The following FBXO34 variants were observed in gnomAD, a reference collection of about 807,000 sequenced individuals.
FBXO34 encodes the protein F-box only protein 34.
Under a neutral mutation model 24.5 loss-of-function variants are expected in FBXO34, and 12 were observed. That is an observed-to-expected ratio of 0.49 (90% CI 0.31 to 0.79). The LOEUF is 0.79. Ranked by LOEUF, FBXO34 falls within the 30% of genes least tolerant of loss-of-function variation. FBXO34 has a pLI of 0.04. For synonymous variants in FBXO34, 320 were observed against 311.9 expected (o/e 1.03, Z -0.27); for missense variants, 823 against 857.7 (o/e 0.96, Z 0.51).
intron 1 of FBXO34, among the ~76,000 whole-genome samples, chr14:55,327,305 A>C (rs1883371098): frequency 6.6e-6 from 1 of 152,194 alleles, no homozygotes; most frequent in Non-Finnish European, 1.5e-5. Flanking sequence ...TGAGTAGAAC[A>C]TGAGAAAGAG....
intron 1 of FBXO34, among the ~76,000 whole-genome samples, chr14:55,320,102 G>A (rs1489123474): frequency 6.6e-6 from 1 of 152,200 alleles, no homozygotes. Context: ...AGGTTATCCA[G>A]GTCCTTTAAC....
downstream of FBXO34, among the ~76,000 whole-genome samples, chr14:55,355,707 G>C (rs1428348412): frequency 3.9e-5 from 6 of 152,196 alleles, no homozygotes; most frequent in African/African-American, 1.2e-4. Flanking sequence ...GATACCGAGG[G>C]ACCACTGTGG....
chr14:55,296,382 G>GTTTGTTT (rs1882122753), intron 1 of FBXO34, among the ~76,000 whole-genome samples: 1 of 95,784 alleles, frequency 1.0e-5, no homozygotes, highest in Non-Finnish European at 2.1e-5. Context: ...CTGTTCTTGT[G>GTTTGTTT]TTTTTTTTGT....
downstream of FBXO34, chr14:55,369,596 TG>T: frequency 6.8e-7 from 1 of 1,466,548 alleles, no homozygotes; most frequent in East Asian, 2.3e-5. Context: ...GATGCAGATT[TG>T]GTATGTTTTG....
chr14:55,282,936 G>C (rs1881609349), intron 1 of FBXO34, among the ~76,000 whole-genome samples: 1 of 152,210 alleles, frequency 6.6e-6, no homozygotes, highest in South Asian at 2.1e-4. Flanking sequence ...CAGAAACCAG[G>C]AGAGGCAAAC....
downstream of FBXO34, among the ~76,000 whole-genome samples, chr14:55,364,139 G>A (rs1037494778): frequency 6.6e-6 from 1 of 151,804 alleles, no homozygotes; most frequent in East Asian, 1.9e-4. Context: ...AGTAGAGACC[G>A]GGTTTCTCCA....
At chr14:55,400,261 T>C in the FBXO34 span, among the ~76,000 whole-genome samples, 1 of 152,046 alleles carries the variant, frequency 6.6e-6, no homozygotes, top group Admixed American at 6.5e-5. Flanking sequence ...TTCCAAGAGG[T>C]GAAAAATAGA....
In FBXO34 at chr14:55,352,363, T is replaced by C; in HGVS notation, c.1973T>C (p.Leu658Ser). The change falls in exon 2 of 2, where the codon TTG becomes TCG. Residue 658 changes from leucine to serine, a missense_variant. This residue lies in a region of FBXO34 where 130 missense variants were observed against 198.6 expected (regional missense o/e 0.65). Coordinates refer to ENST00000313833, the MANE Select transcript of FBXO34 (RefSeq NM_017943.4). ...CACCCCAAGCCCTATTGCCAGGCATTGCCCTATGGGCCAGGGTATTGGATG... is the reference window on the plus strand; with the variant it reads ...CACCCCAAGCCCTATTGCCAGGCATCGCCCTATGGGCCAGGGTATTGGATG... The part of the protein sequence containing the change: ...RWHPKPYCQA[L>S]PYGPGYWMCC... The C allele has an allele frequency of 6.2e-7, 1 of 1,614,242 alleles. No individual in the cohort carries two copies. The highest frequency in any genetic ancestry group is 8.5e-7 in the Non-Finnish European group (1 of 1,180,044).
At chr14:55,356,232 C>G (rs1884521000), downstream of FBXO34, among the ~76,000 whole-genome samples, 1 of 152,174 alleles carries the variant, frequency 6.6e-6, no homozygotes, top group African/African-American at 2.4e-5. Context: ...AGCTCCGTTC[C>G]TTCTTCACTC....
intron 1 of FBXO34, among the ~76,000 whole-genome samples, chr14:55,284,663 C>T (rs536628462): frequency 7.0e-6 from 1 of 143,196 alleles, no homozygotes; most frequent in South Asian, 2.3e-4. Flanking sequence ...GTCACCCAAG[C>T]TAGAGTGTAG....
chr14:55,280,150 T>C (rs991616351), intron 1 of FBXO34, among the ~76,000 whole-genome samples: 1 of 152,228 alleles, frequency 6.6e-6, no homozygotes, highest in Non-Finnish European at 1.5e-5. Context: ...TAGTACATGA[T>C]ATATGTACAT....
At chr14:55,295,456 G>A (rs1882090232) in intron 1 of FBXO34, among the ~76,000 whole-genome samples, 1 of 141,004 alleles carries the variant, frequency 7.1e-6, no homozygotes, top group Non-Finnish European at 1.5e-5. Flanking sequence ...GTGGAGTGGT[G>A]TGATCTTGAC....
At chr14:55,386,146 T>G in the FBXO34 span, 3 of 1,475,500 alleles carry the variant, frequency 2.0e-6, no homozygotes, top group Non-Finnish European at 2.8e-6. Flanking sequence ...ACAGTTCCTG[T>G]GTACTGCAGA....
At chr14:55,315,510 A>C (rs1453306865) in intron 1 of FBXO34, among the ~76,000 whole-genome samples, 1 of 152,178 alleles carries the variant, frequency 6.6e-6, no homozygotes, top group East Asian at 1.9e-4. Flanking sequence ...ATCTTGGCAG[A>C]ACAGGTTCTC....
intron 1 of FBXO34, among the ~76,000 whole-genome samples, chr14:55,344,047 C>G (rs149797152): frequency 1.3e-4 from 20 of 152,236 alleles, no homozygotes; most frequent in Middle Eastern, 3.4e-3. Flanking sequence ...TAAAGTTGCT[C>G]AAATTATACC....
chr14:55,334,421 A>C lies in FBXO34; in HGVS notation c.-10-15960A>C, dbSNP rs12435015. 5.0e-3 allele frequency among the ~76,000 whole-genome samples: 753 copies of C among 151,730 alleles called. 28 individuals carry two copies. The highest frequency in any genetic ancestry group is 0.043 in the Admixed American group (656 of 15,236). On this transcript the variant is annotated intron_variant, in intron 1 of 1. Transcript: ENST00000313833. The stretch of plus-strand genomic sequence containing the variant: ...CACAGAAAAGAATAAGATTACTTCT[A>C]TCTTGAAGACAGGGTAGAACCTGGG...
the FBXO34 span, chr14:55,377,723 T>G: frequency 6.1e-6 from 5 of 823,562 alleles, no homozygotes; most frequent in Non-Finnish European, 9.3e-6. Context: ...TTTGAGGAGT[T>G]TGGGATTAGG....
intron 1 of FBXO34, among the ~76,000 whole-genome samples, chr14:55,300,045 A>G (rs980808418): frequency 6.8e-4 from 103 of 152,162 alleles, no homozygotes; most frequent in Non-Finnish European, 1.5e-4. Flanking sequence ...TACAGACTAT[A>G]TCTGCATATG....
chr14:55,404,725 C>A, the FBXO34 span, among the ~76,000 whole-genome samples: 1 of 152,096 alleles, frequency 6.6e-6, no homozygotes, highest in African/African-American at 2.4e-5. Flanking sequence ...ATATGACCTT[C>A]CAAAGATACA....
Sources: allele counts gnomAD v4.1 joint callset (sites outside exome capture counted in the v4.1 genomes callset), GRCh38; gene constraint gnomAD v4.1.1; regional missense constraint gnomAD v4.1.1; transcripts MANE v1.5; gene names NCBI Gene and HGNC (gene_info 2026-07-23, HGNC 2026-07-21).